Variants in CCDC43 observed in about 807,000 individuals in gnomAD.
CCDC43 encodes the protein coiled-coil domain containing 43, also known as coiled-coil domain-containing protein 43.
Under a neutral mutation model 33.3 loss-of-function variants are expected in CCDC43, and 20 were observed. That is an observed-to-expected ratio of 0.60 (90% CI 0.42 to 0.87). CCDC43 has a LOEUF of 0.87. Ranked by LOEUF, CCDC43 falls within the 40% of genes least tolerant of loss-of-function variation. The pLI is 0.00. For synonymous variants in CCDC43, 104 were observed against 106.5 expected (o/e 0.98, Z 0.14); for missense variants, 248 against 269.9 (o/e 0.92, Z 0.57).
At chr17:44,681,935 C>A in intron 3 of CCDC43, 68 bp downstream of exon 3, 2 of 1,593,054 alleles carry the variant, frequency 1.3e-6, no homozygotes, top group South Asian at 2.3e-5. Flanking sequence ...TGCCAAAGGT[C>A]ACTGTAAACC....
At chr17:44,680,732 C>T in intron 3 of CCDC43, 89 bp from the exon 4 acceptor site, 1 of 927,804 alleles carries the variant, frequency 1.1e-6, no homozygotes, top group South Asian at 1.4e-5. Flanking sequence ...AGGAAAAGCA[C>T]ACTGAATGGA....
rs775019345 is a variant in CCDC43 at position 44,689,726 on chromosome 17, T to C, written c.28A>G (p.Ile10Val). Residue 10 changes from isoleucine to valine, a missense_variant, in exon 1 of 5, where the codon ATA becomes GTA. Coordinates refer to ENST00000315286, the MANE Select transcript of CCDC43 (RefSeq NM_144609.3). Reference sequence around the variant, plus strand: ...CCGCCATCGCCTTCGCCAGGGGCTATCGCGGCCACTTCGCTGGGCGCCGCC... The same window carrying C: ...CCGCCATCGCCTTCGCCAGGGGCTACCGCGGCCACTTCGCTGGGCGCCGCC... Reference protein sequence around the residue: MAAPSEVAAIAPGEGDGGGG... With the variant: MAAPSEVAAVAPGEGDGGGG... 3 of 1,581,592 alleles carry C rather than the reference T, an allele frequency of 1.9e-6. No homozygotes were observed. The highest frequency in any genetic ancestry group is 2.6e-6 in the Non-Finnish European group (3 of 1,165,274).
Position 44,678,017 on chromosome 17 carries a change from T to G in CCDC43, c.*839A>C, listed in dbSNP as rs887313516. ...CACCTACTATGTACACTCTTAAATA[T>G]CTTGGTGTTAGCAGAAATTTCCAGT... On this transcript the variant is annotated 3_prime_UTR_variant, in exon 5 of 5. Coordinates refer to ENST00000315286, the MANE Select transcript of CCDC43 (RefSeq NM_144609.3). The G allele has an allele frequency of 6.6e-6, 1 of 152,652 alleles. No individual in the cohort carries two copies. Among genetic ancestry groups the G allele is most frequent in the African/African-American group, 2.4e-5 (1 of 41,458 alleles). 9.5% of individuals were successfully genotyped at this position (152,652 alleles called of 1,614,324 possible).
rs1373919909 is a variant in CCDC43 at position 44,677,525 on chromosome 17, CAT to C, written c.*1329_*1330del. The C allele has an allele frequency of 2.6e-5, 4 of 151,370 alleles. No homozygotes were observed. The highest frequency in any genetic ancestry group is 5.9e-5 in the Non-Finnish European group (4 of 67,916). 9.4% of individuals were successfully genotyped at this position (151,370 alleles called of 1,614,324 possible). On this transcript the variant is annotated 3_prime_UTR_variant, in exon 5 of 5. Transcript: ENST00000315286. Reference sequence around the variant, plus strand: ...GTTATAGGAGTGTATGAAGAGGTAACATGTCTCCTTTTCCTTAACCATGTTTT... The same window carrying C: ...GTTATAGGAGTGTATGAAGAGGTAACGTCTCCTTTTCCTTAACCATGTTTT...
chr17:44,680,756 C>A, intron 3 of CCDC43, 113 bp from the exon 4 acceptor site: 1 of 749,526 alleles, frequency 1.3e-6, no homozygotes, highest in Non-Finnish European at 2.4e-6. Context: ...AGCACATTAT[C>A]AGGGATATGG....
At chr17:44,684,166 CA>C (rs1206437873) in intron 1 of CCDC43, among the ~76,000 whole-genome samples, 1 of 152,158 alleles carries the variant, frequency 6.6e-6, no homozygotes, top group Non-Finnish European at 1.5e-5. Context: ...CCTCCTACAT[CA>C]AGAACAGCCA....
intron 3 of CCDC43, among the ~76,000 whole-genome samples, chr17:44,681,201 G>A (rs553256644): frequency 4.5e-4 from 69 of 152,310 alleles, no homozygotes; most frequent in African/African-American, 1.5e-3. Context: ...CACTTTGGGA[G>A]GGTGAGGCAG....
intron 1 of CCDC43, 152 bp downstream of exon 1, chr17:44,689,398 C>T (rs894019205): frequency 8.4e-7 from 1 of 1,186,752 alleles, no homozygotes. Flanking sequence ...GAGCAACCTC[C>T]TTCCCCCGCC....
intron 1 of CCDC43, chr17:44,688,032 T>G (rs1466097446): frequency 6.6e-6 from 1 of 152,230 alleles, no homozygotes; most frequent in Non-Finnish European, 1.5e-5. Flanking sequence ...ATGTGAGTGA[T>G]TTTTTCCTAG....
At chr17:44,686,448 G>C (rs1439171360) in intron 1 of CCDC43, among the ~76,000 whole-genome samples, 1 of 152,200 alleles carries the variant, frequency 6.6e-6, no homozygotes, top group Non-Finnish European at 1.5e-5. Flanking sequence ...GGATGAGAAA[G>C]TGGTACAGCT....
At position 44,682,058 on chromosome 17, in the gene CCDC43, TCTC is replaced by T. The variant is rs866917994; in HGVS notation, c.370_372del (p.Glu124del). On this transcript the variant is annotated inframe_deletion, in exon 3 of 5. Transcript: ENST00000315286. The stretch of plus-strand genomic sequence containing the variant: ...GCCAGGAGGGCAGCTTTTCTCTGCT[TCTC>T]CTCTTCTGACACCATCCTTGGCTTT... 8 of 1,613,890 alleles carry T rather than the reference TCTC, an allele frequency of 5.0e-6. No homozygotes were observed. Among genetic ancestry groups the T allele is most frequent in the African/African-American group, 2.7e-5 (2 of 74,914 alleles).
Position 44,683,969 on chromosome 17 carries a change from AAAG to A in CCDC43, c.205-13_205-11del. On this transcript the variant is annotated splice_polypyrimidine_tract_variant and intron_variant, in intron 1 of 4. Coordinates refer to ENST00000315286, the MANE Select transcript of CCDC43 (RefSeq NM_144609.3). ...GGAGGGAATCTTCTTCCTAGTTGGAAAAGCAGACCAATTAATTTCCTGAGGGAG... is the reference window on the plus strand; with the variant it reads ...GGAGGGAATCTTCTTCCTAGTTGGAACAGACCAATTAATTTCCTGAGGGAG... 6.3e-7 allele frequency: 1 copy of A among 1,576,378 alleles called. No homozygotes were observed. Among genetic ancestry groups the A allele is most frequent in the Non-Finnish European group, 8.7e-7 (1 of 1,145,794 alleles).
intron 4 of CCDC43, 52 bp from the exon 5 acceptor site, chr17:44,679,095 G>T: frequency 7.0e-7 from 1 of 1,424,772 alleles, no homozygotes; most frequent in Non-Finnish European, 9.6e-7. Context: ...CACACCTACT[G>T]CTGCCTTTCC....
chr17:44,683,402 G>A (rs763926534), intron 2 of CCDC43, among the ~76,000 whole-genome samples: 1 of 152,014 alleles, frequency 6.6e-6, no homozygotes, highest in Non-Finnish European at 1.5e-5. Flanking sequence ...GGTGACATGA[G>A]CCTGTAGTCC....
chr17:44,689,663 C>G lies in CCDC43; in HGVS notation c.91G>C (p.Glu31Gln). 1 of 1,613,394 alleles carries G rather than the reference C, an allele frequency of 6.2e-7. No individual in the cohort carries two copies. Among genetic ancestry groups the G allele is most frequent in the Non-Finnish European group, 8.5e-7 (1 of 1,179,672 alleles). ...ACGGCTCGGTCCACTCCCAGTGCCT[C>G]CAACCGTCCGTCCAGCCAGGAGCCA... is the stretch of plus-strand genomic sequence containing the variant. ...GFGSWLDGRLEALGVDRAVYG... is the reference protein window; with the variant it reads ...GFGSWLDGRLQALGVDRAVYG... The change falls in exon 1 of 5, where the codon GAG becomes CAG. Residue 31 changes from glutamate (E) to glutamine (Q), a missense_variant. By Grantham distance (29) the Glu-to-Gln change is conservative. Coordinates refer to ENST00000315286, the MANE Select transcript of CCDC43 (RefSeq NM_144609.3).
rs185167977 is a variant in CCDC43, at chr17:44,688,010, T to G, written c.204+1540A>C. 3.3e-5 allele frequency: 5 copies of G among 152,328 alleles called. No individual in the cohort carries two copies. In the East Asian group the frequency reaches 9.6e-4, roughly 29 times the overall value. The allele number at this position is 152,328 out of a possible 1,614,324, so 9.4% of individuals were successfully genotyped here. On this transcript the variant is annotated intron_variant, in intron 1 of 4. Coordinates refer to ENST00000315286, the MANE Select transcript of CCDC43 (RefSeq NM_144609.3). ...TCAACCATGTACCCAATCTATGAAC[T>G]GCTTCCACCAAATGTGAGTGATTTT...
At chr17:44,683,587 C>T (rs1043459131) in intron 2 of CCDC43, among the ~76,000 whole-genome samples, 2 of 151,552 alleles carry the variant, frequency 1.3e-5, no homozygotes, top group African/African-American at 4.9e-5. Flanking sequence ...TGACTCCATA[C>T]CTGCAATGCA....
At chr17:44,682,182 C>A (rs1972173249) in intron 2 of CCDC43, 44 bp from the exon 3 acceptor site, 2 of 1,611,864 alleles carry the variant, frequency 1.2e-6, no homozygotes, top group Admixed American at 1.7e-5. Context: ...TGAGAGAGAA[C>A]AAGCTCACTG....
chr17:44,685,141 TTCTG>T (rs758601022), intron 1 of CCDC43, among the ~76,000 whole-genome samples: 5 of 152,220 alleles, frequency 3.3e-5, no homozygotes, highest in South Asian at 2.1e-4. Flanking sequence ...AGTATATTCC[TTCTG>T]TCTAACTGCA....
Sources: allele counts gnomAD v4.1 joint callset (sites outside exome capture counted in the v4.1 genomes callset), GRCh38; gene constraint gnomAD v4.1.1; transcripts MANE v1.5; gene names NCBI Gene and HGNC (gene_info 2026-07-23, HGNC 2026-07-21).